The following RP1 variants were observed in gnomAD, a reference collection of about 807,000 sequenced individuals.
RP1 encodes RP1 axonemal microtubule associated.
RP1 carries 16 observed loss-of-function variants against 14.8 expected under a neutral mutation model. That is an observed-to-expected ratio of 1.08 (90% CI 0.73 to 1.65). The LOEUF is 1.65. Ranked by LOEUF, RP1 falls within the 40% of genes most tolerant of loss-of-function variation. The pLI is 0.00. For missense variants in RP1, 2,631 were observed against 2,535.0 expected (o/e 1.04, Z -0.81); for synonymous variants, 876 against 883.6 (o/e 0.99, Z 0.15).
intron 28 of RP1, among the ~76,000 whole-genome samples, chr8:54,867,724 T>A (rs1216995765): frequency 1.3e-5 from 2 of 152,210 alleles, no homozygotes; most frequent in Non-Finnish European, 2.9e-5. Context: ...TGTTTCTAGA[T>A]CATGTGTCTA....
intron 1 of RP1, among the ~76,000 whole-genome samples, chr8:54,565,575 A>G (rs573794412): frequency 1.3e-5 from 2 of 152,264 alleles, no homozygotes; most frequent in East Asian, 1.9e-4. Context: ...ATCCACCCAG[A>G]CACCAGGATT....
intron 8 of RP1, among the ~76,000 whole-genome samples, chr8:54,674,272 G>A (rs1255024608): frequency 1.3e-5 from 2 of 152,094 alleles, no homozygotes; most frequent in Non-Finnish European, 2.9e-5. Context: ...ATCTCCTGGT[G>A]GTGATATTCC....
intron 24 of RP1, among the ~76,000 whole-genome samples, chr8:54,801,192 G>T (rs1207621634): frequency 6.6e-6 from 1 of 152,130 alleles, no homozygotes; most frequent in Non-Finnish European, 1.5e-5. Flanking sequence ...ATTGGCTTGG[G>T]TCTGTCTACC....
At chr8:54,843,435 G>A (rs1388889973) in intron 25 of RP1, among the ~76,000 whole-genome samples, 2 of 152,046 alleles carry the variant, frequency 1.3e-5, no homozygotes, top group African/African-American at 2.4e-5. Context: ...AAGAGGCAGA[G>A]GATGATGCAG....
downstream of RP1, among the ~76,000 whole-genome samples, chr8:54,773,080 C>T (rs547518951): frequency 1.8e-4 from 27 of 152,172 alleles, no homozygotes; most frequent in African/African-American, 6.3e-4. Flanking sequence ...TCAAAAGTCT[C>T]AGGTCCAGTT....
chr8:54,688,759 T>C (rs1258537830), intron 12 of RP1, among the ~76,000 whole-genome samples: 1 of 152,200 alleles, frequency 6.6e-6, no homozygotes, highest in African/African-American at 2.4e-5. Flanking sequence ...TGCCTCCAGC[T>C]TTGTTCTTTT....
chr8:54,640,821 G>A (rs1276244689), intron 3 of RP1, among the ~76,000 whole-genome samples: 1 of 152,030 alleles, frequency 6.6e-6, no homozygotes, highest in African/African-American at 2.4e-5. Flanking sequence ...TTATTTTATG[G>A]CTACTTCTGA....
At chr8:54,776,654 G>C (rs1056285138) in intron 23 of RP1, among the ~76,000 whole-genome samples, 1 of 152,178 alleles carries the variant, frequency 6.6e-6, no homozygotes, top group African/African-American at 2.4e-5. Flanking sequence ...AATAGGACGT[G>C]GAAGAGGTTT....
At chr8:54,702,481 T>A (rs538238363) in intron 14 of RP1, among the ~76,000 whole-genome samples, 26 of 152,286 alleles carry the variant, frequency 1.7e-4, no homozygotes, top group African/African-American at 5.8e-4. Flanking sequence ...ATACCTTAAT[T>A]TAAAAATATT....
At chr8:54,620,625 G>A (rs111580526) in intron 1 of RP1, among the ~76,000 whole-genome samples, 5 of 152,210 alleles carry the variant, frequency 3.3e-5, no homozygotes, top group African/African-American at 1.2e-4. Context: ...ATCTTTCTAT[G>A]CCAAAAGATA....
intron 3 of RP1, among the ~76,000 whole-genome samples, chr8:54,638,365 G>T (rs1382529267): frequency 1.3e-5 from 2 of 151,300 alleles, no homozygotes; most frequent in Non-Finnish European, 2.9e-5. Flanking sequence ...TTGAACCCAG[G>T]AGGTGGAGGT....
chr8:54,738,286 T>A (rs544287673), intron 18 of RP1, among the ~76,000 whole-genome samples: 10 of 152,300 alleles, frequency 6.6e-5, no homozygotes, highest in Admixed American at 2.6e-4. Context: ...CATATTTTAC[T>A]CCGTTTGCAA....
chr8:54,577,116 A>G (rs1170035544), intron 1 of RP1, among the ~76,000 whole-genome samples: 1 of 152,088 alleles, frequency 6.6e-6, no homozygotes, highest in Non-Finnish European at 1.5e-5. Flanking sequence ...CCCGGGTTCA[A>G]GTGATTCTCC....
At chr8:54,687,187 A>C (rs1439062813) in intron 12 of RP1, among the ~76,000 whole-genome samples, 1 of 152,210 alleles carries the variant, frequency 6.6e-6, no homozygotes, top group Non-Finnish European at 1.5e-5. Context: ...AAAAACAGGA[A>C]GCCTGCAACA....
intron 24 of RP1, among the ~76,000 whole-genome samples, chr8:54,787,038 A>C (rs1031663804): frequency 4.6e-5 from 7 of 152,132 alleles, no homozygotes; most frequent in Non-Finnish European, 1.0e-4. Context: ...ATAGGCCTTG[A>C]AGAGGAACTT....
intron 7 of RP1, among the ~76,000 whole-genome samples, chr8:54,664,816 G>A (rs959594644): frequency 2.6e-5 from 4 of 152,122 alleles, no homozygotes; most frequent in African/African-American, 4.8e-5. Flanking sequence ...CACAATGAGA[G>A]CAACAATAGA....
intron 24 of RP1, among the ~76,000 whole-genome samples, chr8:54,798,146 TGG>T (rs1467737217): frequency 6.6e-6 from 1 of 152,090 alleles, no homozygotes; most frequent in Non-Finnish European, 1.5e-5. Context: ...CCTGAGTAGC[TGG>T]GACTACAGGC....
intron 24 of RP1, among the ~76,000 whole-genome samples, chr8:54,796,610 T>C (rs748389390): frequency 1.3e-5 from 2 of 152,030 alleles, no homozygotes; most frequent in Non-Finnish European, 2.9e-5. Flanking sequence ...AGGCAGAGAT[T>C]AGATTGGTGA....
At position 54,626,346 on chromosome 8, in the gene RP1, G is replaced by A. The variant is rs202246114; in HGVS notation, c.2464G>A (p.Val822Ile). The A allele has an allele frequency of 3.7e-6, 6 of 1,613,370 alleles. No individual in the cohort carries two copies. The highest frequency in any genetic ancestry group is 2.2e-5 in the East Asian group (1 of 44,810). Residue 822 changes from valine to isoleucine, a missense_variant, in exon 4 of 4, where the codon GTA becomes ATA. Val to Ile is a conservative substitution (Grantham distance 29, BLOSUM62 3). Coordinates refer to ENST00000220676, the MANE Select transcript of RP1 (RefSeq NM_006269.2). ...TTTTGAAAACAAAAGTTTATTTCAT[G>A]TATTTAACATCCTTGAGCAAAAACC... Reference protein sequence around the residue: ...STFENKSLFHVFNILEQKPKD... With the variant: ...STFENKSLFHIFNILEQKPKD...
Sources: allele counts gnomAD v4.1 joint callset (sites outside exome capture counted in the v4.1 genomes callset), GRCh38; gene constraint gnomAD v4.1.1; transcripts MANE v1.5; gene names NCBI Gene and HGNC (gene_info 2026-07-23, HGNC 2026-07-21).